Variants in CDKL1 observed in about 807,000 individuals in gnomAD.
The protein encoded by CDKL1 is cyclin dependent kinase like 1, also known as cyclin-dependent kinase-like 1.
In CDKL1, 41 loss-of-function variants were observed where a neutral mutation model predicts 42.0. The ratio of observed to expected loss-of-function variants is 0.98; its 90% CI spans 0.76 to 1.27. The LOEUF (loss-of-function observed/expected upper bound fraction) is 1.27. Ranked by LOEUF, CDKL1 falls within the 50% of genes most tolerant of loss-of-function variation. CDKL1 has a pLI of 0.00. For missense variants in CDKL1, 394 were observed against 428.4 expected (o/e 0.92, Z 0.71); for synonymous variants, 153 against 158.6 (o/e 0.96, Z 0.26).
chr14:50,340,454 G>GC (rs919941021), intron 6 of CDKL1, among the ~76,000 whole-genome samples: 9 of 151,576 alleles, frequency 5.9e-5, no homozygotes, highest in Non-Finnish European at 8.8e-5. Flanking sequence ...CTACTGATGG[G>GC]TTTTTTTTTC....
At chr14:50,362,278 C>T (rs936666757) in intron 2 of CDKL1, 10 of 374,996 alleles carry the variant, frequency 2.7e-5, no homozygotes, top group African/African-American at 6.6e-5. Context: ...CTGAGGAGTG[C>T]GGGCGCACGG....
At chr14:50,356,937 G>A (rs2034073393) in intron 3 of CDKL1, 1 of 151,884 alleles carries the variant, frequency 6.6e-6, no homozygotes, top group African/African-American at 2.4e-5. Context: ...TTTTTATTCT[G>A]TTCAAACTAT....
chr14:50,362,336 TG>T, intron 2 of CDKL1: 1 of 327,298 alleles, frequency 3.1e-6, no homozygotes, highest in Non-Finnish European at 6.1e-6. Context: ...TGGGATCCAC[TG>T]GGTGAGGCCA....
At position 50,330,082 on chromosome 14, in the gene CDKL1, T is replaced by C; in HGVS notation, c.1066A>G (p.Asn356Asp). Reference protein sequence around the residue: ...DTKKLNYRFPNI With the variant: ...DTKKLNYRFPDI Reference sequence around the variant, plus strand: ...CATGTCTCCTAGCTCCTTTAAATGTTTGGAAAACGGTAGTTAAGTTTCTTG... The same window carrying C: ...CATGTCTCCTAGCTCCTTTAAATGTCTGGAAAACGGTAGTTAAGTTTCTTG... Residue 356 changes from asparagine to aspartate, a missense_variant, in exon 10 of 10, where the codon AAC becomes GAC. Coordinates refer to ENST00000395834, the MANE Select transcript of CDKL1 (RefSeq NM_004196.7). 6.2e-7 allele frequency: 1 copy of C among 1,608,754 alleles called. No individual in the cohort carries two copies. The highest frequency in any genetic ancestry group is 8.5e-7 in the Non-Finnish European group (1 of 1,178,928).
intron 7 of CDKL1, chr14:50,335,746 C>G (rs2033235347): frequency 3.0e-6 from 3 of 985,334 alleles, no homozygotes; most frequent in Non-Finnish European, 3.6e-6. Context: ...ACTGGAGTGA[C>G]TGGCCAGGCT....
chr14:50,383,395 C>T (rs1225071848), intron 2 of CDKL1, among the ~76,000 whole-genome samples: 2 of 151,722 alleles, frequency 1.3e-5, no homozygotes, highest in African/African-American at 4.8e-5. Flanking sequence ...ACTAAAAATA[C>T]AAAAATTAGC....
At chr14:50,387,264 G>A (rs2035113120) in intron 2 of CDKL1, among the ~76,000 whole-genome samples, 1 of 151,196 alleles carries the variant, frequency 6.6e-6, no homozygotes, top group Non-Finnish European at 1.5e-5. Flanking sequence ...ACTCATGCCT[G>A]TAATCCCAGC....
chr14:50,370,773 A>T (rs1463559549), intron 2 of CDKL1, among the ~76,000 whole-genome samples: 1 of 152,144 alleles, frequency 6.6e-6, no homozygotes, highest in Non-Finnish European at 1.5e-5. Flanking sequence ...GAGAGAGGGA[A>T]TTGGCAGTGG....
rs1359339792 is a variant in CDKL1, at chr14:50,328,573, A to C, written c.*1501T>G. 1 of 152,232 alleles carries C rather than the reference A, an allele frequency of 6.6e-6. No homozygotes were observed. Among genetic ancestry groups the C allele is most frequent in the Non-Finnish European group, 1.5e-5 (1 of 68,034 alleles). 9.4% of individuals were successfully genotyped at this position (152,232 alleles called of 1,614,324 possible). On this transcript the variant is annotated 3_prime_UTR_variant, in exon 10 of 10. Coordinates refer to ENST00000395834, the MANE Select transcript of CDKL1 (RefSeq NM_004196.7). Reference sequence around the variant, plus strand: ...GAGAAGTGCTAGGAATAGTGGCAGCACATCAACCAGAAATGGTGTTGAGCT... The same window carrying C: ...GAGAAGTGCTAGGAATAGTGGCAGCCCATCAACCAGAAATGGTGTTGAGCT...
rs57657571 is a variant in CDKL1, at chr14:50,329,036, C to CATATATATATAT, written c.*1026_*1037dup. 955 of 140,488 alleles carry CATATATATATAT rather than the reference C, an allele frequency of 6.8e-3. 6 individuals carry two copies. The highest frequency in any genetic ancestry group is 0.011 in the Non-Finnish European group (694 of 65,098). 8.7% of individuals were successfully genotyped at this position (140,488 alleles called of 1,614,324 possible). A position where few individuals can be genotyped will look rare whatever the true frequency, so the allele number is the denominator to read the frequency against. ...TGTAATATATTAGTTGTTAGAATAG[C>CATATATATATAT]ATATATATATATATATATATATATA... On this transcript the variant is annotated 3_prime_UTR_variant, in exon 10 of 10. Coordinates refer to ENST00000395834, the MANE Select transcript of CDKL1 (RefSeq NM_004196.7).
chr14:50,349,170 A>G (rs1406902500), intron 3 of CDKL1, among the ~76,000 whole-genome samples: 1 of 152,206 alleles, frequency 6.6e-6, no homozygotes, highest in East Asian at 1.9e-4. Flanking sequence ...AAGAGAGCAG[A>G]AAATAGAATG....
At chr14:50,376,243 A>G (rs1252600953) in intron 2 of CDKL1, 1 of 378,740 alleles carries the variant, frequency 2.6e-6, no homozygotes, top group African/African-American at 2.1e-5. Flanking sequence ...AGAGCAGGGT[A>G]TATGGGAACT....
At chr14:50,365,979 G>T (rs902321087) in intron 2 of CDKL1, among the ~76,000 whole-genome samples, 1 of 152,238 alleles carries the variant, frequency 6.6e-6, no homozygotes, top group Non-Finnish European at 1.5e-5. Context: ...CAGACAGAAG[G>T]CTACACTGAT....
At chr14:50,342,822 G>C in intron 4 of CDKL1, 1 of 1,159,172 alleles carries the variant, frequency 8.6e-7, no homozygotes, top group South Asian at 1.6e-5. Context: ...GAGAAGGGTG[G>C]CAACCACAGC....
chr14:50,365,227 C>G (rs1774886823), intron 2 of CDKL1, among the ~76,000 whole-genome samples: 1 of 152,116 alleles, frequency 6.6e-6, no homozygotes, highest in South Asian at 2.1e-4. Flanking sequence ...TTATGGCCAG[C>G]TTTAAGGAGC....
Position 50,336,316 on chromosome 14 carries a change from G to A in CDKL1, c.739-1695C>T, listed in dbSNP as rs2033273983. On this transcript the variant is annotated intron_variant, in intron 7 of 9. Transcript: ENST00000395834. ...TGCAGGACAATCTCTGGGAAGCCAT[G>A]GGAAGCTTCTTACATTTATGAAACC... 5.2e-5 allele frequency: 60 copies of A among 1,163,226 alleles called. No homozygotes were observed. In the South Asian group the frequency reaches 8.4e-4, roughly 16 times the overall value. 72.1% of individuals were successfully genotyped at this position (1,163,226 alleles called of 1,614,324 possible).
At position 50,358,966 on chromosome 14, in the gene CDKL1, C is replaced by A. The variant is rs1273647085; in HGVS notation, c.290+62G>T. 69 of 1,542,792 alleles carry A rather than the reference C, an allele frequency of 4.5e-5. 1 individual carries two copies. The Middle Eastern group carries it at 5.1e-4, about 11-fold the overall frequency. ...TACCTAGTCTTAAAAAGAGTCATTG[C>A]CACTTTTCGCTCACAAATCCCAGTG... On this transcript the variant is annotated intron_variant, in intron 3 of 9. Transcript: ENST00000395834.
intron 2 of CDKL1, among the ~76,000 whole-genome samples, chr14:50,367,761 T>C (rs1178893045): frequency 2.0e-5 from 3 of 152,202 alleles, no homozygotes; most frequent in Admixed American, 6.5e-5. Flanking sequence ...GCGTCTGTGC[T>C]GGGCTAATCT....
intron 7 of CDKL1, chr14:50,334,945 G>A: frequency 8.9e-6 from 2 of 225,034 alleles, no homozygotes; most frequent in African/African-American, 2.3e-5. Context: ...GGGTGGGGGG[G>A]CTCAAGTTAT....
Sources: gnomAD v4.1 joint callset for allele counts (sites outside exome capture counted in the v4.1 genomes callset) on GRCh38, gnomAD v4.1.1 for gene constraint, MANE v1.5 for transcripts, NCBI Gene and HGNC (gene_info 2026-07-23, HGNC 2026-07-21) for gene names.